The following RPS6KC1 variants were observed in gnomAD, a reference collection of about 807,000 sequenced individuals.
RPS6KC1 encodes the protein inactive ribosomal protein S6 kinase delta-1.
In RPS6KC1, 54 loss-of-function variants were observed where a neutral mutation model predicts 103.8. The ratio of observed to expected loss-of-function variants is 0.52; its 90% CI spans 0.42 to 0.65. RPS6KC1 has a LOEUF of 0.65. Among genes scored for constraint, RPS6KC1 ranks in the 30% least tolerant of loss-of-function variants. The pLI is 0.00. For missense variants in RPS6KC1, 1,151 were observed against 1,253.8 expected (o/e 0.92, Z 1.24); for synonymous variants, 439 against 438.7 (o/e 1.00, Z -0.01).
the RPS6KC1 span, among the ~76,000 whole-genome samples, chr1:213,555,339 A>G: frequency 7.1e-3 from 1,075 of 152,350 alleles, 11 homozygotes; most frequent in African/African-American, 0.021. Flanking sequence ...AGCACATGGT[A>G]GAGATTTTAG....
the RPS6KC1 span, among the ~76,000 whole-genome samples, chr1:213,601,839 A>C: frequency 2.0e-5 from 3 of 152,060 alleles, no homozygotes; most frequent in African/African-American, 7.2e-5. Flanking sequence ...TAAAACTTCC[A>C]GTCTTTATTA....
the RPS6KC1 span, among the ~76,000 whole-genome samples, chr1:213,421,525 T>C: frequency 1.3e-5 from 2 of 152,208 alleles, no homozygotes; most frequent in Non-Finnish European, 2.9e-5. Flanking sequence ...CCAAATAGTA[T>C]AGTGAGAAAA....
At chr1:213,667,184 C>T in the RPS6KC1 span, among the ~76,000 whole-genome samples, 1 of 150,860 alleles carries the variant, frequency 6.6e-6, no homozygotes, top group African/African-American at 2.5e-5. Flanking sequence ...GAGTAAAATA[C>T]AAAAGAAAAA....
the RPS6KC1 span, among the ~76,000 whole-genome samples, chr1:213,644,271 A>C: frequency 6.6e-6 from 1 of 152,082 alleles, no homozygotes; most frequent in Non-Finnish European, 1.5e-5. Flanking sequence ...CAGATTTCCA[A>C]TATTCCCCCT....
rs59335818 is a variant in RPS6KC1, at chr1:213,161,731, A to T, written c.836-6127A>T. 5.7e-3 allele frequency among the ~76,000 whole-genome samples: 872 copies of T among 152,328 alleles called. 9 individuals carry two copies. The highest frequency in any genetic ancestry group is 0.02 in the African/African-American group (832 of 41,558). ...TTCTGATGTATTAATACACTAAGTC[A>T]ATTTAATTTTTATGGTAGAGATGCA... On this transcript the variant is annotated intron_variant, in intron 6 of 14. Coordinates refer to ENST00000366960, the MANE Select transcript of RPS6KC1 (RefSeq NM_012424.6).
rs145107808 is a variant in RPS6KC1, at chr1:213,161,002, A to C, written c.836-6856A>C. Among the ~76,000 whole-genome samples the C allele has an allele frequency of 2.6e-3, 394 of 152,314 alleles. 2 individuals are homozygous for C. Among genetic ancestry groups the C allele is most frequent in the Non-Finnish European group, 4.3e-3 (293 of 68,022 alleles). On this transcript the variant is annotated intron_variant, in intron 6 of 14. Coordinates refer to ENST00000366960, the MANE Select transcript of RPS6KC1 (RefSeq NM_012424.6). Reference sequence around the variant, plus strand: ...CCCTAGAACTTAAAGTATAATAAAAAAAATAGTGGTGGCAAGTAATTTATA... The same window carrying C: ...CCCTAGAACTTAAAGTATAATAAAACAAATAGTGGTGGCAAGTAATTTATA...
chr1:213,343,434 T>TAC, the RPS6KC1 span, among the ~76,000 whole-genome samples: 1 of 71,038 alleles, frequency 1.4e-5, no homozygotes, highest in African/African-American at 4.5e-5. Flanking sequence ...TATATATATA[T>TAC]ATATATACAT....
At chr1:213,450,328 T>A in the RPS6KC1 span, among the ~76,000 whole-genome samples, 2 of 151,754 alleles carry the variant, frequency 1.3e-5, no homozygotes, top group East Asian at 3.9e-4. Flanking sequence ...AAGCTGAGTT[T>A]GTAGATTTTT....
At chr1:213,102,690 A>C (rs1048008256) in intron 3 of RPS6KC1, among the ~76,000 whole-genome samples, 1 of 152,222 alleles carries the variant, frequency 6.6e-6, no homozygotes, top group African/African-American at 2.4e-5. Flanking sequence ...TAAGTAAAGC[A>C]GTATACAGAA....
chr1:213,613,478 A>G, the RPS6KC1 span, among the ~76,000 whole-genome samples: 1 of 152,226 alleles, frequency 6.6e-6, no homozygotes, highest in Admixed American at 6.5e-5. Flanking sequence ...TTTAAGGCCC[A>G]GAAAGGGACT....
chr1:213,788,539 TC>T, the RPS6KC1 span, among the ~76,000 whole-genome samples: 48 of 151,782 alleles, frequency 3.2e-4, 1 homozygote, highest in South Asian at 9.9e-3. Flanking sequence ...TTCCCCTGAC[TC>T]CCTCCCCATA....
At chr1:213,568,781 T>G in the RPS6KC1 span, among the ~76,000 whole-genome samples, 6 of 152,180 alleles carry the variant, frequency 3.9e-5, no homozygotes, top group Admixed American at 3.9e-4. Context: ...ACTCCAAAGC[T>G]GGGGCTTTTT....
At chr1:213,430,376 C>T in the RPS6KC1 span, among the ~76,000 whole-genome samples, 42 of 152,254 alleles carry the variant, frequency 2.8e-4, no homozygotes, top group East Asian at 3.5e-3. Context: ...TGCAATTTCA[C>T]GATTTTGTGT....
At chr1:213,338,881 T>A in the RPS6KC1 span, among the ~76,000 whole-genome samples, 1 of 151,834 alleles carries the variant, frequency 6.6e-6, no homozygotes, top group Non-Finnish European at 1.5e-5. Flanking sequence ...AGTAAAGATG[T>A]GTTCTCCCAT....
At chr1:213,733,127 A>C in the RPS6KC1 span, among the ~76,000 whole-genome samples, 1 of 152,134 alleles carries the variant, frequency 6.6e-6, no homozygotes, top group Non-Finnish European at 1.5e-5. Context: ...TACCTCTTTG[A>C]TATACTGATT....
intron 8 of RPS6KC1, among the ~76,000 whole-genome samples, chr1:213,193,889 A>G (rs529398565): frequency 1.1e-3 from 162 of 152,066 alleles, no homozygotes; most frequent in Non-Finnish European, 1.7e-3. Context: ...CAGCCTCCAA[A>G]TGTGCTGGGA....
At chr1:213,602,054 TTC>T in the RPS6KC1 span, among the ~76,000 whole-genome samples, 309 of 57,626 alleles carry the variant, frequency 5.4e-3, 24 homozygotes, top group East Asian at 0.011. Flanking sequence ...CTTTCTTTCT[TTC>T]TCTTTCTTTC....
the RPS6KC1 span, among the ~76,000 whole-genome samples, chr1:213,425,018 T>C: frequency 6.6e-6 from 1 of 152,124 alleles, no homozygotes; most frequent in Admixed American, 6.5e-5. Flanking sequence ...CTCACATCGC[T>C]GTTCCAGCAA....
the RPS6KC1 span, among the ~76,000 whole-genome samples, chr1:213,393,975 G>T: frequency 6.6e-6 from 1 of 152,106 alleles, no homozygotes; most frequent in African/African-American, 2.4e-5. Context: ...TAGAGCACCA[G>T]CGCAGGGATT....
Sources: allele counts gnomAD v4.1 joint callset (sites outside exome capture counted in the v4.1 genomes callset), GRCh38; gene constraint gnomAD v4.1.1; transcripts MANE v1.5; gene names NCBI Gene and HGNC (gene_info 2026-07-23, HGNC 2026-07-21).